The following PSD3 variants were observed in gnomAD, a reference collection of about 807,000 sequenced individuals.
PSD3 encodes the protein PH and SEC7 domain-containing protein 3.
Under a neutral mutation model 105.5 loss-of-function variants are expected in PSD3, and 49 were observed. The ratio of observed to expected loss-of-function variants is 0.46; its 90% CI spans 0.37 to 0.59. The LOEUF (loss-of-function observed/expected upper bound fraction) is 0.59. Among genes scored for constraint, PSD3 ranks in the 20% least tolerant of loss-of-function variants. The pLI is 0.00. For synonymous variants in PSD3, 557 were observed against 457.8 expected (o/e 1.22, Z -2.77); for missense variants, 1,561 against 1,263.8 (o/e 1.24, Z -3.57).
At chr8:18,566,283 G>A (rs758597503) in intron 14 of PSD3, among the ~76,000 whole-genome samples, 1 of 152,144 alleles carries the variant, frequency 6.6e-6, no homozygotes, top group African/African-American at 2.4e-5. Context: ...CCAGCACTTT[G>A]GGAGGCCGAG....
At position 19,061,505 on chromosome 8, in the gene PSD3, T is replaced by TA. The variant is rs570620661; in HGVS notation, c.324+22700dup. On this transcript the variant is annotated intron_variant, in intron 1 of 1. Coordinates refer to the PSD3 transcript ENST00000521475. The stretch of plus-strand genomic sequence containing the variant: ...TGGTGAACTTGTTAAATCATGCATT[T>TA]AAAAAAAAAAATCACTTCCCGGCCA... Among the ~76,000 whole-genome samples the TA allele has an allele frequency of 2.7e-3, 393 of 147,950 alleles. 7 individuals are homozygous for TA. In the South Asian group the frequency reaches 0.039, roughly 15 times the overall value.
rs893060335 is a variant in PSD3, at chr8:18,814,228, C to G, written c.1635-9330G>C. The stretch of plus-strand genomic sequence containing the variant: ...ACCAATAAAAAATTTTAGTAAGCAT[C>G]ACATACAGATTCTGCCCCCAGCCCC... On this transcript the variant is annotated intron_variant, in intron 4 of 15. Transcript: ENST00000327040. Among the ~76,000 whole-genome samples, 5 of 152,330 alleles carry G rather than the reference C, an allele frequency of 3.3e-5. No individual in the cohort carries two copies. The East Asian group carries it at 9.6e-4, about 29-fold the overall frequency.
intron 1 of PSD3, among the ~76,000 whole-genome samples, chr8:18,946,291 T>C (rs10111389): frequency 6.6e-6 from 1 of 151,684 alleles, no homozygotes; most frequent in Admixed American, 6.6e-5. Context: ...AAAAATATAT[T>C]TGAGGCCAGG....
At chr8:19,033,665 T>G (rs1827846273) in intron 1 of PSD3, among the ~76,000 whole-genome samples, 1 of 152,028 alleles carries the variant, frequency 6.6e-6, no homozygotes, top group African/African-American at 2.4e-5. Context: ...CAGCTTTGCT[T>G]GAAGGTTTTT....
intron 9 of PSD3, among the ~76,000 whole-genome samples, chr8:18,752,525 TATAATTATATATTA>T (rs1805610432): frequency 1.5e-5 from 1 of 68,936 alleles, no homozygotes; most frequent in African/African-American, 1.0e-4. Flanking sequence ...ATGTAATATA[TATAATTATATATTA>T]TATATATTAT....
At chr8:18,984,042 G>A (rs1448518779) in intron 1 of PSD3, among the ~76,000 whole-genome samples, 2 of 148,810 alleles carry the variant, frequency 1.3e-5, no homozygotes, top group Non-Finnish European at 3.0e-5. Flanking sequence ...ACTGATCGCA[G>A]ATCATAACAA....
At chr8:18,577,848 T>G (rs557516698) in intron 12 of PSD3, among the ~76,000 whole-genome samples, 8 of 152,120 alleles carry the variant, frequency 5.3e-5, no homozygotes, top group Non-Finnish European at 1.2e-4. Context: ...ACTGCATCTA[T>G]GTTTCCTCGC....
At chr8:18,760,243 C>A (rs527939288) in intron 9 of PSD3, among the ~76,000 whole-genome samples, 1 of 152,244 alleles carries the variant, frequency 6.6e-6, no homozygotes, top group South Asian at 2.1e-4. Flanking sequence ...TATTTCTCAC[C>A]TCACATACTG....
intron 2 of PSD3, among the ~76,000 whole-genome samples, chr8:18,935,521 A>AG (rs1324577550): frequency 6.6e-6 from 1 of 151,546 alleles, no homozygotes; most frequent in Non-Finnish European, 1.5e-5. Flanking sequence ...TAAAAAAAAA[A>AG]AAAAAAGAAA....
At chr8:18,951,560 G>A (rs950812476) in intron 1 of PSD3, among the ~76,000 whole-genome samples, 3 of 152,124 alleles carry the variant, frequency 2.0e-5, no homozygotes, top group African/African-American at 7.2e-5. Flanking sequence ...AGGATTTCTG[G>A]CTTCTTGAGG....
intron 2 of PSD3, among the ~76,000 whole-genome samples, chr8:18,935,630 A>T (rs1246553877): frequency 1.3e-5 from 2 of 151,594 alleles, no homozygotes; most frequent in African/African-American, 4.8e-5. Context: ...CTGGAGGTCA[A>T]GGCTGCAGTA....
chr8:18,562,222 G>T (rs1563323997), intron 14 of PSD3, among the ~76,000 whole-genome samples: 1 of 152,112 alleles, frequency 6.6e-6, no homozygotes, highest in African/African-American at 2.4e-5. Context: ...TTTCCTCCAA[G>T]CTGTGGGATA....
At chr8:18,893,358 C>G (rs1431167062) in intron 2 of PSD3, among the ~76,000 whole-genome samples, 1 of 152,180 alleles carries the variant, frequency 6.6e-6, no homozygotes, top group Non-Finnish European at 1.5e-5. Flanking sequence ...GTAGAAAAGT[C>G]ACTAAGCATC....
chr8:18,655,151 G>A (rs1254099935), intron 10 of PSD3, among the ~76,000 whole-genome samples: 7 of 151,084 alleles, frequency 4.6e-5, no homozygotes, highest in South Asian at 4.2e-4. Context: ...GTGAAACCCC[G>A]TCTCTACTAA....
chr8:18,543,124 G>GCT (rs1800243189), intron 15 of PSD3, among the ~76,000 whole-genome samples: 2 of 152,012 alleles, frequency 1.3e-5, no homozygotes, highest in Non-Finnish European at 2.9e-5. Context: ...CATTCAGTGA[G>GCT]CTCTCTCTCT....
intron 2 of PSD3, among the ~76,000 whole-genome samples, chr8:18,884,737 T>C (rs1364106527): frequency 2.6e-5 from 4 of 152,218 alleles, no homozygotes; most frequent in African/African-American, 9.6e-5. Flanking sequence ...TGATTAATAG[T>C]TACAGCTGTG....
chr8:18,629,956 G>C (rs1245679257), intron 11 of PSD3, among the ~76,000 whole-genome samples: 1 of 151,818 alleles, frequency 6.6e-6, no homozygotes, highest in Non-Finnish European at 1.5e-5. Flanking sequence ...GGGATATCCA[G>C]GAAGAGCCTG....
intron 9 of PSD3, among the ~76,000 whole-genome samples, chr8:18,717,885 C>T (rs538232596): frequency 1.3e-4 from 20 of 151,634 alleles, no homozygotes; most frequent in Middle Eastern, 3.4e-3. Context: ...TGCGGTGAGA[C>T]TTGGTAAATA....
chr8:18,612,454 C>T (rs563433980), intron 11 of PSD3, among the ~76,000 whole-genome samples: 46 of 151,956 alleles, frequency 3.0e-4, no homozygotes, highest in African/African-American at 1.0e-3. Context: ...CTCACTGCAA[C>T]CTCCACCTCC....
Sources: allele counts gnomAD v4.1 joint callset (sites outside exome capture counted in the v4.1 genomes callset), GRCh38; gene constraint gnomAD v4.1.1; transcripts MANE v1.5; gene names NCBI Gene and HGNC (gene_info 2026-07-23, HGNC 2026-07-21).